FOLH1: variants seen among roughly 807,000 people sequenced by gnomAD.
The protein encoded by FOLH1 is folate hydrolase 1, also known as glutamate carboxypeptidase 2.
FOLH1 carries 54 observed loss-of-function variants against 93.9 expected under a neutral mutation model. The ratio of observed to expected loss-of-function variants is 0.57; its 90% CI spans 0.46 to 0.72. The LOEUF is 0.72. Ranked by LOEUF, FOLH1 falls within the 30% of genes least tolerant of loss-of-function variation. The probability of loss-of-function intolerance (pLI) is 0.00; values close to 1 mark genes in which losing one functional copy is unlikely to be tolerated. For missense variants in FOLH1, 571 were observed against 892.5 expected, an observed-to-expected ratio of 0.64 and a Z score of 4.59; for synonymous variants, 249 against 303.6, an observed-to-expected ratio of 0.82 and a Z score of 1.87.
chr11:49,173,807 T>G (rs181465571), intron 9 of FOLH1, among the ~76,000 whole-genome samples: 95 of 152,278 alleles, frequency 6.2e-4, no homozygotes, highest in African/African-American at 2.2e-3. Context: ...CACTTTCTAA[T>G]ATATTCAAAG....
chr11:49,192,465 G>C (rs1180237270), intron 4 of FOLH1, among the ~76,000 whole-genome samples: 2 of 152,192 alleles, frequency 1.3e-5, no homozygotes, highest in East Asian at 3.8e-4. Context: ...TGATTAAGAA[G>C]AACCATAAGG....
chr11:49,175,150 C>T (rs1360269008), intron 8 of FOLH1, among the ~76,000 whole-genome samples, 173 bp from the exon 9 acceptor site: 1 of 152,072 alleles, frequency 6.6e-6, no homozygotes, highest in Non-Finnish European at 1.5e-5. Context: ...CCAGTGTATA[C>T]AGGAGCCAAA....
Position 49,148,641 on chromosome 11 carries a change from A to G in FOLH1, c.2061T>C (p.Tyr687=), listed in dbSNP as rs778342843. 3.8e-6 allele frequency: 6 copies of G among 1,584,574 alleles called. No homozygotes were observed. Residue 687 remains tyrosine (Y), a splice_region_variant and synonymous_variant, in exon 18 of 19, where the codon TAT becomes TAC. Coordinates refer to ENST00000256999, the MANE Select transcript of FOLH1 (RefSeq NM_004476.3). Reference sequence around the variant, plus strand: ...GGAGTCATATTTTCTTTTCTTACCTATAAAAAGGCCTGTCTGGTAACCCTA... The same window carrying G: ...GGAGTCATATTTTCTTTTCTTACCTGTAAAAAGGCCTGTCTGGTAACCCTA... ...DPLGLPDRPF[Y]RHVIYAPSSH...
chr11:49,151,297 C>T (rs377705739), intron 17 of FOLH1, among the ~76,000 whole-genome samples: 12 of 152,174 alleles, frequency 7.9e-5, no homozygotes, highest in African/African-American at 2.9e-4. Flanking sequence ...TTGAGACAAT[C>T]GAATGAAGGA....
chr11:49,153,414 G>C (rs919537898), intron 17 of FOLH1, among the ~76,000 whole-genome samples: 4 of 151,444 alleles, frequency 2.6e-5, no homozygotes, highest in African/African-American at 9.7e-5. Flanking sequence ...TAGTCTGGCT[G>C]AGTTATGATG....
chr11:49,207,339 A>G (rs1042067889), intron 1 of FOLH1, among the ~76,000 whole-genome samples: 1 of 152,214 alleles, frequency 6.6e-6, no homozygotes, highest in Non-Finnish European at 1.5e-5. Flanking sequence ...TCCTTTTAAG[A>G]GATGAAGATT....
chr11:49,182,731 CTA>C (rs1198001195), intron 7 of FOLH1, among the ~76,000 whole-genome samples: 2 of 152,142 alleles, frequency 1.3e-5, no homozygotes, highest in African/African-American at 4.8e-5. Flanking sequence ...TTAAGCGAGG[CTA>C]TCAAGGAGTC....
intron 3 of FOLH1, among the ~76,000 whole-genome samples, chr11:49,198,376 G>C (rs1204543683): frequency 6.6e-6 from 1 of 151,872 alleles, no homozygotes; most frequent in African/African-American, 2.4e-5. Flanking sequence ...CAGCTACTAG[G>C]GAGGCTGAGA....
intron 15 of FOLH1, among the ~76,000 whole-genome samples, chr11:49,155,873 C>A (rs547280045): frequency 7.3e-6 from 1 of 137,262 alleles, no homozygotes; most frequent in Non-Finnish European, 1.6e-5. Flanking sequence ...GACTTTTACA[C>A]GTACACAGTG....
intron 15 of FOLH1, 88 bp from the exon 16 acceptor site, chr11:49,154,580 T>G: frequency 1.3e-6 from 2 of 1,529,904 alleles, no homozygotes; most frequent in Middle Eastern, 3.6e-4. Flanking sequence ...TTAGTAAGAT[T>G]GGTCAGTGAT....
chr11:49,204,326 C>T (rs1353668872), intron 2 of FOLH1, among the ~76,000 whole-genome samples: 5 of 152,306 alleles, frequency 3.3e-5, no homozygotes, highest in Admixed American at 2.6e-4. Context: ...CTGAAACTTG[C>T]CTTGGTCTCT....
rs139701316 is a variant in FOLH1 at position 49,195,951 on chromosome 11, C to T, written c.412-3057G>A. Among the ~76,000 whole-genome samples the T allele has an allele frequency of 1.8e-3, 273 of 152,240 alleles. 1 individual carries two copies. Among genetic ancestry groups the T allele is most frequent in the African/African-American group, 6.1e-3 (255 of 41,542 alleles). ...CGGGTGGATTACAAGGTCAGGAGTT[C>T]GAGATCAGCCTGGCCAACATAGTGG... On this transcript the variant is annotated intron_variant, in intron 3 of 18. Coordinates refer to ENST00000256999, the MANE Select transcript of FOLH1 (RefSeq NM_004476.3).
At chr11:49,205,464 G>A (rs1301095892) in intron 2 of FOLH1, among the ~76,000 whole-genome samples, 1 of 152,106 alleles carries the variant, frequency 6.6e-6, no homozygotes, top group Admixed American at 6.5e-5. Context: ...ATGTGGAAAA[G>A]AGAGCTCAGA....
intron 1 of FOLH1, chr11:49,206,901 G>C (rs781503886): frequency 4.4e-6 from 4 of 915,088 alleles, no homozygotes; most frequent in Non-Finnish European, 6.7e-6. Flanking sequence ...AAGATTCCAG[G>C]GTTTATTTAG....
chr11:49,188,947 A>G (rs1861715243), intron 4 of FOLH1, among the ~76,000 whole-genome samples: 1 of 152,230 alleles, frequency 6.6e-6, no homozygotes, highest in African/African-American at 2.4e-5. Context: ...ATTGTAAACC[A>G]TTTGAATTGC....
At chr11:49,194,762 A>C (rs1418613275) in intron 3 of FOLH1, among the ~76,000 whole-genome samples, 1 of 152,092 alleles carries the variant, frequency 6.6e-6, no homozygotes, top group Non-Finnish European at 1.5e-5. Context: ...CCAAACAAAT[A>C]TTAATTAAAA....
At chr11:49,201,595 A>T (rs1863262407) in intron 2 of FOLH1, among the ~76,000 whole-genome samples, 1 of 152,116 alleles carries the variant, frequency 6.6e-6, no homozygotes. Flanking sequence ...TAGGGGCAAA[A>T]TATCTTACAC....
chr11:49,185,138 A>G (rs561874213), intron 6 of FOLH1, among the ~76,000 whole-genome samples: 1 of 152,314 alleles, frequency 6.6e-6, no homozygotes, highest in African/African-American at 2.4e-5. Flanking sequence ...TAAATTGGCC[A>G]TTTAAAAAGT....
chr11:49,199,505 C>T (rs1306138908), intron 3 of FOLH1, among the ~76,000 whole-genome samples: 1 of 152,184 alleles, frequency 6.6e-6, no homozygotes, highest in Admixed American at 6.5e-5. Flanking sequence ...TCAATTGAGA[C>T]ATAATCATTA....
Sources: allele counts gnomAD v4.1 joint callset (sites outside exome capture counted in the v4.1 genomes callset), GRCh38; gene constraint gnomAD v4.1.1; transcripts MANE v1.5; gene names NCBI Gene and HGNC (gene_info 2026-07-23, HGNC 2026-07-21).